The following TAFAZZIN variants were observed in gnomAD, a reference collection of about 807,000 sequenced individuals.
TAFAZZIN encodes tafazzin, phospholipid-lysophospholipid transacylase, also known as protein G4.5.
TAFAZZIN carries 6 observed loss-of-function variants against 27.3 expected under a neutral mutation model. The observed-to-expected ratio is 0.22, with a 90% confidence interval of 0.12 to 0.43. The LOEUF is 0.43. Ranked by LOEUF, TAFAZZIN falls within the 20% of genes least tolerant of loss-of-function variation. The pLI, the probability that TAFAZZIN is intolerant of heterozygous loss-of-function variation, is 1.00. For missense variants in TAFAZZIN, 127 were observed against 244.5 expected, an observed-to-expected ratio of 0.52 and a Z score of 3.21; for synonymous variants, 79 against 96.2, an observed-to-expected ratio of 0.82 and a Z score of 1.04.
intron 5 of TAFAZZIN, chrX:154,419,038 T>A (rs782569502): frequency 1.3e-5 from 2 of 150,837 alleles, no homozygotes; most frequent in Non-Finnish European, 2.6e-5. Flanking sequence ...AAGGAACGCA[T>A]GAGGCTCCGA....
At chrX:154,413,674 C>A in intron 4 of TAFAZZIN, 107 bp downstream of exon 4, 1 of 763,176 alleles carries the variant, frequency 1.3e-6, no homozygotes, top group Non-Finnish European at 2.0e-6. Flanking sequence ...TCCCGGGAGC[C>A]AACATGAGGC....
At chrX:154,413,794 C>A in intron 4 of TAFAZZIN, 1 of 445,829 alleles carries the variant, frequency 2.2e-6, no homozygotes, top group Non-Finnish European at 3.9e-6. Flanking sequence ...GGACCTGGAG[C>A]CTTGGCATTA....
chrX:154,419,710 G>A lies in TAFAZZIN; in HGVS notation c.547G>A (p.Val183Met). 1.6e-6 allele frequency: 2 copies of A among 1,212,403 alleles called. No individual in the cohort carries two copies. Among genetic ancestry groups the A allele is most frequent in the Non-Finnish European group, 2.2e-6 (2 of 895,629 alleles). Residue 183 changes from valine (V) to methionine (M), a missense_variant, in exon 7 of 11, where the codon GTG becomes ATG. Val to Met is a conservative substitution (Grantham distance 21). Around this residue, in one of 3 missense-constraint regions of TAFAZZIN, gnomAD observed 79 missense variants for 188.7 expected, o/e 0.42. Coordinates refer to ENST00000601016, the MANE Select transcript of TAFAZZIN (RefSeq NM_000116.5). ...DWVHIFPEGK[V>M]NMSSEFLRFK... Reference sequence around the variant, plus strand: ...CCTCTGTGCTCTCTCACCAGGGAAAGTGAACATGAGTTCCGAATTCCTGCG... The same window carrying A: ...CCTCTGTGCTCTCTCACCAGGGAAAATGAACATGAGTTCCGAATTCCTGCG...
At chrX:154,413,998 C>A (rs2068406390) in intron 4 of TAFAZZIN, 103 bp from the exon 5 acceptor site, 2 of 573,249 alleles carry the variant, frequency 3.5e-6, no homozygotes, top group Non-Finnish European at 6.1e-6. Flanking sequence ...GATCCCTATT[C>A]TCCAGACAGG....
intron 2 of TAFAZZIN, 196 bp downstream of exon 2, chrX:154,412,410 C>A: frequency 3.7e-6 from 2 of 545,932 alleles, no homozygotes; most frequent in Non-Finnish European, 2.9e-6. Context: ...TTGGAGAGGG[C>A]CTTGGGCATG....
intron 5 of TAFAZZIN, among the ~76,000 whole-genome samples, chrX:154,416,379 G>C (rs1275683004): frequency 9.1e-6 from 1 of 110,151 alleles, no homozygotes; most frequent in Non-Finnish European, 1.9e-5. Context: ...AGCTTGCTAT[G>C]AGCAGAGATC....
chrX:154,413,788 C>T, intron 4 of TAFAZZIN: 1 of 447,134 alleles, frequency 2.2e-6, no homozygotes, highest in Non-Finnish European at 3.9e-6. Flanking sequence ...TCCTGTGGAC[C>T]TGGAGCCTTG....
chrX:154,416,216 G>A (rs1340899876), intron 5 of TAFAZZIN, among the ~76,000 whole-genome samples: 2 of 112,088 alleles, frequency 1.8e-5, no homozygotes, highest in Non-Finnish European at 3.8e-5. Flanking sequence ...TGGCTAACAG[G>A]ATGAAACCCC....
In TAFAZZIN at chrX:154,421,170, T is replaced by G. The variant is rs1557194697; in HGVS notation, c.*166T>G. On this transcript the variant is annotated 3_prime_UTR_variant, in exon 11 of 11. Transcript: ENST00000601016. ...TCCAGCTCCTCCGTGCTTCCTCAGTTACACAAAGGACCTCAGCTGCTTCTC... is the reference window on the plus strand; with the variant it reads ...TCCAGCTCCTCCGTGCTTCCTCAGTGACACAAAGGACCTCAGCTGCTTCTC... 1.9e-6 allele frequency: 1 copy of G among 522,449 alleles called. No individual in the cohort carries two copies. The highest frequency in any genetic ancestry group is 3.6e-5 in the East Asian group (1 of 27,489). The allele number at this position is 522,449 out of a possible 1,213,427, so 43.1% of individuals were successfully genotyped here. A position where few individuals can be genotyped will look rare whatever the true frequency, so the allele number is the denominator to read the frequency against.
At chrX:154,414,468 G>A (rs1016933431) in intron 5 of TAFAZZIN, among the ~76,000 whole-genome samples, 2 of 111,833 alleles carry the variant, frequency 1.8e-5, no homozygotes, top group Admixed American at 9.5e-5. Context: ...TGAGGCCAGC[G>A]GATCACGAGG....
chrX:154,419,503 C>T (rs1469649562), intron 5 of TAFAZZIN, 40 bp from the exon 6 acceptor site: 11 of 1,195,722 alleles, frequency 9.2e-6, no homozygotes, highest in East Asian at 3.0e-5. Flanking sequence ...CCCACGCCCC[C>T]GAGAATGGTT....
At chrX:154,412,346 C>T (rs2068337858) in intron 2 of TAFAZZIN, 132 bp downstream of exon 2, 2 of 922,301 alleles carry the variant, frequency 2.2e-6, no homozygotes, top group Non-Finnish European at 3.0e-6. Flanking sequence ...GCGTTCTGCC[C>T]CAGGGCTGAG....
chrX:154,414,697 A>G (rs2068431145), intron 5 of TAFAZZIN, among the ~76,000 whole-genome samples: 1 of 104,823 alleles, frequency 9.5e-6, no homozygotes, highest in African/African-American at 3.5e-5. Flanking sequence ...GTCTCAAAAA[A>G]AAAAAAAAAA....
chrX:154,412,626 G>C (rs1050981339), intron 2 of TAFAZZIN: 6 of 204,618 alleles, frequency 2.9e-5, no homozygotes, highest in Non-Finnish European at 5.4e-5. Context: ...GGCTGGGCGT[G>C]TACCGTTCAG....
rs782339790 is a variant in TAFAZZIN, at chrX:154,420,036, C to T, written c.588C>T (p.Ile196=). 3 of 1,211,841 alleles carry T rather than the reference C, an allele frequency of 2.5e-6. No homozygotes were observed. Among genetic ancestry groups the T allele is most frequent in the Non-Finnish European group, 2.2e-6 (2 of 895,404 alleles). The change falls in exon 8 of 11, where the codon ATC becomes ATT. Residue 196 remains isoleucine, a synonymous_variant. Coordinates refer to ENST00000601016, the MANE Select transcript of TAFAZZIN (RefSeq NM_000116.5). ...TTCTACCTCCCCCCTGGGCAGGAAT[C>T]GGGCGCCTGATTGCTGAGTGTCATC... The part of the protein sequence containing the change: ...SSEFLRFKWG[I]GRLIAECHLN...
chrX:154,414,850 G>A (rs1204706970), intron 5 of TAFAZZIN, among the ~76,000 whole-genome samples: 4 of 109,759 alleles, frequency 3.6e-5, no homozygotes, highest in East Asian at 2.9e-4. Context: ...TTAGCCGGGC[G>A]TGGTGGTGTG....
At position 154,412,127 on chromosome X, in the gene TAFAZZIN, T is replaced by C; in HGVS notation, c.151T>C (p.Tyr51His). ...HLTVHNREVL[Y>H]ELIEKRGPAT... Reference sequence around the variant, plus strand: ...GACCGTGCACAACAGGGAGGTGCTGTACGAGCTCATCGAGAAGCGAGGCCC... The same window carrying C: ...GACCGTGCACAACAGGGAGGTGCTGCACGAGCTCATCGAGAAGCGAGGCCC... Residue 51 changes from tyrosine to histidine, a missense_variant, in exon 2 of 11, where the codon TAC becomes CAC. Physicochemically the swap from Tyr to His is moderately conservative, Grantham distance 83. Transcript: ENST00000601016. 1 of 1,208,490 alleles carries C rather than the reference T, an allele frequency of 8.3e-7. No individual in the cohort carries two copies. The highest frequency in any genetic ancestry group is 3.0e-5 in the East Asian group (1 of 33,736).
chrX:154,412,282 G>C (rs2068335533), intron 2 of TAFAZZIN, 68 bp downstream of exon 2: 1 of 1,138,060 alleles, frequency 8.8e-7, no homozygotes, highest in African/African-American at 1.8e-5. Context: ...AGCCTCGTCA[G>C]AACAAACCCC....
chrX:154,420,022 C>T lies in TAFAZZIN; in HGVS notation c.584-10C>T. 2 of 1,211,831 alleles carry T rather than the reference C, an allele frequency of 1.7e-6. No individual in the cohort carries two copies. Among genetic ancestry groups the T allele is most frequent in the Non-Finnish European group, 2.2e-6 (2 of 895,333 alleles). On this transcript the variant is annotated splice_polypyrimidine_tract_variant and intron_variant, in intron 7 of 10. Transcript: ENST00000601016. ...GCTTATGCTAACATTTCTACCTCCC[C>T]CCTGGGCAGGAATCGGGCGCCTGAT... is the stretch of plus-strand genomic sequence containing the variant.
Sources: allele counts gnomAD v4.1 joint callset (sites outside exome capture counted in the v4.1 genomes callset), GRCh38; gene constraint gnomAD v4.1.1; regional missense constraint gnomAD v4.1.1; transcripts MANE v1.5; gene names NCBI Gene and HGNC (gene_info 2026-07-23, HGNC 2026-07-21).